PPP6R2: variants seen among roughly 807,000 people sequenced by gnomAD.
PPP6R2 encodes serine/threonine-protein phosphatase 6 regulatory subunit 2.
PPP6R2 carries 62 observed loss-of-function variants against 100.2 expected under a neutral mutation model. That is an observed-to-expected ratio of 0.62 (90% CI 0.50 to 0.76). The LOEUF (loss-of-function observed/expected upper bound fraction) is 0.76. Among genes scored for constraint, PPP6R2 ranks in the 30% least tolerant of loss-of-function variants. PPP6R2 has a pLI of 0.00. For synonymous variants in PPP6R2, 525 were observed against 514.7 expected (o/e 1.02, Z -0.27); for missense variants, 1,142 against 1,276.3 (o/e 0.89, Z 1.60).
chr22:50,419,484 C>A, intron 8 of PPP6R2, 22 bp downstream of exon 8: 1 of 1,558,268 alleles, frequency 6.4e-7, no homozygotes, highest in Non-Finnish European at 8.8e-7. Flanking sequence ...GAGGAGAAAT[C>A]GTGTAGAGCT....
In PPP6R2 at chr22:50,440,026, G is replaced by A. The variant is rs201572533; in HGVS notation, c.2351G>A (p.Arg784Gln). 1.8e-4 allele frequency: 288 copies of A among 1,613,252 alleles called. No homozygotes were observed. The highest frequency in any genetic ancestry group is 3.3e-4 in the Middle Eastern group (2 of 6,058). ...DTECSHAEGS[R>Q]SQGPEKAFSP... ...GAATGCAGCCATGCTGAGGGCAGCC[G>A]GAGCCAAGGCCCTGAGAAAGCCTGT... The change falls in exon 21 of 24, where the codon CGG (arginine) becomes CAG (glutamine). Residue 784 changes from arginine to glutamine, a missense_variant. This residue lies in a region of PPP6R2 where 550 missense variants were observed against 517.4 expected (regional missense o/e 1.06). Transcript: ENST00000612753.
the PPP6R2 span, among the ~76,000 whole-genome samples, chr22:50,333,313 G>A: frequency 6.6e-6 from 1 of 151,142 alleles, no homozygotes; most frequent in African/African-American, 2.4e-5. Flanking sequence ...ATCACGTAGT[G>A]TAAGTCCTCC....
chr22:50,439,891 A>AG (rs747714704), intron 20 of PPP6R2, 34 bp downstream of exon 20: 1 of 1,608,040 alleles, frequency 6.2e-7, no homozygotes, highest in Admixed American at 1.7e-5. Context: ...GGGCTGTGCC[A>AG]GGAAGTGCCT....
rs1223257822 is a variant in PPP6R2 at position 50,437,831 on chromosome 22, T to G, written c.1782-12T>G. ...TGGAGGAACGCTGAAGCCATCCCCCTTGCTCTTGCAGTGCCCCGTTTGACA... is the reference window on the plus strand; with the variant it reads ...TGGAGGAACGCTGAAGCCATCCCCCGTGCTCTTGCAGTGCCCCGTTTGACA... On this transcript the variant is annotated splice_polypyrimidine_tract_variant and intron_variant, in intron 16 of 23. Transcript: ENST00000612753. 1.3e-6 allele frequency: 2 copies of G among 1,552,268 alleles called. No homozygotes were observed. The highest frequency in any genetic ancestry group is 2.0e-5 in the Admixed American group (1 of 51,048).
intron 2 of PPP6R2, among the ~76,000 whole-genome samples, chr22:50,388,624 A>T (rs2054764615): frequency 6.6e-6 from 1 of 152,106 alleles, no homozygotes; most frequent in South Asian, 2.1e-4. Context: ...CTATAATCCC[A>T]GCATTTTGGG....
the PPP6R2 span, among the ~76,000 whole-genome samples, chr22:50,332,958 A>G: frequency 2.0e-4 from 30 of 152,206 alleles, no homozygotes; most frequent in African/African-American, 7.2e-4. Flanking sequence ...CAGTTTTTCC[A>G]ATACCATTTG....
the PPP6R2 span, among the ~76,000 whole-genome samples, chr22:50,337,382 T>C: frequency 7.5e-6 from 1 of 132,514 alleles, no homozygotes; most frequent in Non-Finnish European, 1.6e-5. Flanking sequence ...GTGTGGGGGG[T>C]GTGTGTGTGT....
At chr22:50,335,736 C>T in the PPP6R2 span, among the ~76,000 whole-genome samples, 11 of 139,072 alleles carry the variant, frequency 7.9e-5, 1 homozygote, top group Non-Finnish European at 1.4e-4. Flanking sequence ...AGAGCAGTGG[C>T]GCAATCTTGG....
chr22:50,391,395 T>C (rs1469773541), intron 2 of PPP6R2, among the ~76,000 whole-genome samples: 1 of 127,152 alleles, frequency 7.9e-6, no homozygotes, highest in African/African-American at 3.2e-5. Context: ...ATCGTGCCAC[T>C]GCACTCCAGC....
chr22:50,401,260 T>A (rs1227431416), intron 3 of PPP6R2, among the ~76,000 whole-genome samples: 2 of 151,786 alleles, frequency 1.3e-5, no homozygotes, highest in African/African-American at 4.8e-5. Context: ...CAGGCTGGAG[T>A]GAAGTGGCAC....
chr22:50,365,133 G>C (rs962541254), intron 1 of PPP6R2, among the ~76,000 whole-genome samples: 1 of 147,932 alleles, frequency 6.8e-6, no homozygotes, highest in Non-Finnish European at 1.5e-5. Flanking sequence ...TTGTAATGGC[G>C]CAATCTCGGC....
At chr22:50,337,543 TGTG>T in the PPP6R2 span, among the ~76,000 whole-genome samples, 5 of 134,162 alleles carry the variant, frequency 3.7e-5, no homozygotes, top group African/African-American at 1.4e-4. Context: ...GTGTGTGCGA[TGTG>T]TGGTGTGTGT....
Position 50,432,252 on chromosome 22 carries a change from C to G in PPP6R2, c.1336-13C>G, listed in dbSNP as rs2063301274. 1 of 1,549,310 alleles carries G rather than the reference C, an allele frequency of 6.5e-7. No homozygotes were observed. The highest frequency in any genetic ancestry group is 8.7e-7 in the Non-Finnish European group (1 of 1,146,542). ...GACCCTGACTCACGCTGTCCCCCTGCCCCGCCCCCCAGCTGTTCCAGAAGT... is the reference window on the plus strand; with the variant it reads ...GACCCTGACTCACGCTGTCCCCCTGGCCCGCCCCCCAGCTGTTCCAGAAGT... On this transcript the variant is annotated splice_polypyrimidine_tract_variant and intron_variant, in intron 11 of 23. Transcript: ENST00000612753.
At chr22:50,381,567 G>A (rs2053028990) in intron 2 of PPP6R2, among the ~76,000 whole-genome samples, 1 of 152,154 alleles carries the variant, frequency 6.6e-6, no homozygotes. Context: ...AGCAAACTAG[G>A]ATAGGGATTA....
chr22:50,418,805 A>G, intron 6 of PPP6R2, 62 bp from the exon 7 acceptor site: 1 of 1,337,472 alleles, frequency 7.5e-7, no homozygotes, highest in Non-Finnish European at 1.1e-6. Flanking sequence ...TGTGCCCAGC[A>G]GGGCTGGTCC....
At chr22:50,350,071 T>C (rs976393090) in intron 1 of PPP6R2, among the ~76,000 whole-genome samples, 7 of 151,956 alleles carry the variant, frequency 4.6e-5, no homozygotes, top group Non-Finnish European at 7.4e-5. Context: ...TGAGCCAAGA[T>C]TGTGCCACTG....
At chr22:50,381,130 A>G (rs1250545980) in intron 2 of PPP6R2, among the ~76,000 whole-genome samples, 2 of 151,212 alleles carry the variant, frequency 1.3e-5, no homozygotes, top group South Asian at 2.1e-4. Flanking sequence ...AAAAAAAAAA[A>G]AGAGAACTCA....
At chr22:50,332,372 A>G in the PPP6R2 span, among the ~76,000 whole-genome samples, 1 of 151,794 alleles carries the variant, frequency 6.6e-6, no homozygotes, top group South Asian at 2.1e-4. Flanking sequence ...CTGGGAGTAC[A>G]GGTGCCCACC....
Position 50,437,961 on chromosome 22 carries a change from C to T in PPP6R2, c.1839+61C>T. Reference sequence around the variant, plus strand: ...TTTTCCCAGGCAGCTCAGGCCATGCCCATGGCTCGGTCTGTCATGGGCCTG... The same window carrying T: ...TTTTCCCAGGCAGCTCAGGCCATGCTCATGGCTCGGTCTGTCATGGGCCTG... On this transcript the variant is annotated intron_variant, in intron 17 of 23. Transcript: ENST00000612753. 1.9e-6 allele frequency: 3 copies of T among 1,562,028 alleles called. No homozygotes were observed. In the Middle Eastern group the frequency reaches 5.0e-4, roughly 261 times the overall value.
Sources: allele counts gnomAD v4.1 joint callset (sites outside exome capture counted in the v4.1 genomes callset), GRCh38; gene constraint gnomAD v4.1.1; regional missense constraint gnomAD v4.1.1; transcripts MANE v1.5; gene names NCBI Gene and HGNC (gene_info 2026-07-23, HGNC 2026-07-21).